GAS7: variants seen among roughly 807,000 people sequenced by gnomAD.
The protein encoded by GAS7 is growth arrest-specific protein 7.
In GAS7, 28 loss-of-function variants were observed where a neutral mutation model predicts 71.1. That is an observed-to-expected ratio of 0.39 (90% CI 0.29 to 0.54). GAS7 has a LOEUF of 0.54. Among genes scored for constraint, GAS7 ranks in the 20% least tolerant of loss-of-function variants. The probability of loss-of-function intolerance (pLI) is 0.62; values close to 1 mark genes in which losing one functional copy is unlikely to be tolerated. For synonymous variants in GAS7, 258 were observed against 245.8 expected, an observed-to-expected ratio of 1.05 and a Z score of -0.46; for missense variants, 436 against 627.8, an observed-to-expected ratio of 0.69 and a Z score of 3.27.
At chr17:10,050,022 CT>C (rs2152235455) in intron 1 of GAS7, among the ~76,000 whole-genome samples, 1 of 152,228 alleles carries the variant, frequency 6.6e-6, no homozygotes, top group South Asian at 2.1e-4. Context: ...AAGAATGCCC[CT>C]AATTATTTTC....
At chr17:10,027,348 A>G (rs540847189) in intron 1 of GAS7, among the ~76,000 whole-genome samples, 6 of 152,324 alleles carry the variant, frequency 3.9e-5, no homozygotes, top group East Asian at 3.9e-4. Context: ...AGGGAATGGG[A>G]GTGGGAGTTA....
chr17:10,010,475 A>G (rs997725710), intron 2 of GAS7, among the ~76,000 whole-genome samples: 1 of 150,612 alleles, frequency 6.6e-6, no homozygotes, highest in Non-Finnish European at 1.5e-5. Context: ...TAAACCAGGT[A>G]TTGTCAAACT....
Position 10,019,909 on chromosome 17 carries a change from G to T in GAS7, c.184-12C>A. On this transcript the variant is annotated splice_polypyrimidine_tract_variant and intron_variant, in intron 1 of 13. Coordinates refer to ENST00000432992, the MANE Select transcript of GAS7 (RefSeq NM_201433.2). ...ACCATTCCAGGCTTCTGTTGGAGAA[G>T]AAAGAAAAGGTCACACCCATTTGGC... 1 of 1,612,142 alleles carries T rather than the reference G, an allele frequency of 6.2e-7. No individual in the cohort carries two copies. Among genetic ancestry groups the T allele is most frequent in the Non-Finnish European group, 8.5e-7 (1 of 1,179,620 alleles).
chr17:10,046,012 C>G (rs928859435), intron 1 of GAS7, among the ~76,000 whole-genome samples: 1 of 152,214 alleles, frequency 6.6e-6, no homozygotes, highest in African/African-American at 2.4e-5. Flanking sequence ...AAACTGTCAT[C>G]TCCACATGAT....
intron 1 of GAS7, among the ~76,000 whole-genome samples, chr17:10,053,513 G>C (rs2073091808): frequency 6.6e-6 from 1 of 152,118 alleles, no homozygotes; most frequent in Admixed American, 6.5e-5. Flanking sequence ...GGTCACCCTG[G>C]AGAAGCCCTT....
At chr17:9,956,373 C>T (rs1467144966) in intron 5 of GAS7, among the ~76,000 whole-genome samples, 2 of 152,138 alleles carry the variant, frequency 1.3e-5, no homozygotes, top group Non-Finnish European at 2.9e-5. Context: ...AGCCCCTACC[C>T]CGGGTTCTGT....
intron 1 of GAS7, 94 bp from the exon 2 acceptor site, chr17:10,019,991 T>C: frequency 1.7e-6 from 2 of 1,204,320 alleles, no homozygotes; most frequent in Non-Finnish European, 2.4e-6. Context: ...CACCCTACAG[T>C]AGCGTGACAT....
chr17:10,182,668 A>G (rs1043487757), intron 1 of GAS7, among the ~76,000 whole-genome samples: 1 of 152,180 alleles, frequency 6.6e-6, no homozygotes, highest in African/African-American at 2.4e-5. Flanking sequence ...AGTCTCCGAC[A>G]GCAAGGACCT....
chr17:10,087,373 C>T (rs894072660), intron 1 of GAS7, among the ~76,000 whole-genome samples: 1 of 152,186 alleles, frequency 6.6e-6, no homozygotes, highest in African/African-American at 2.4e-5. Context: ...AAAGGCCTTC[C>T]TTAGGTGGGA....
intron 1 of GAS7, among the ~76,000 whole-genome samples, chr17:10,151,601 A>G (rs2074167011): frequency 6.6e-6 from 1 of 152,070 alleles, no homozygotes; most frequent in South Asian, 2.1e-4. Context: ...CTGGAGTGCA[A>G]TGGCATGATC....
At chr17:10,177,904 T>C (rs9899530) in intron 1 of GAS7, among the ~76,000 whole-genome samples, 63,780 of 151,776 alleles carry the variant, frequency 0.42, 13,705 homozygotes, top group East Asian at 0.55. Flanking sequence ...GCCCCCCAAC[T>C]ACCTCAACAC....
intron 1 of GAS7, among the ~76,000 whole-genome samples, chr17:10,123,310 C>A (rs1299951814): frequency 6.6e-6 from 1 of 152,190 alleles, no homozygotes; most frequent in African/African-American, 2.4e-5. Flanking sequence ...TGGGGCAGGA[C>A]CTGGGAATAT....
intron 1 of GAS7, among the ~76,000 whole-genome samples, chr17:10,055,495 G>A (rs924143093): frequency 3.9e-5 from 6 of 152,030 alleles, no homozygotes; most frequent in African/African-American, 1.2e-4. Flanking sequence ...TGTCTGTACC[G>A]CACTGCACAT....
intron 2 of GAS7, among the ~76,000 whole-genome samples, chr17:10,001,716 T>C (rs2071274949): frequency 6.6e-6 from 1 of 152,218 alleles, no homozygotes; most frequent in African/African-American, 2.4e-5. Flanking sequence ...AGCCAAGTCC[T>C]CTCTGGTATG....
chr17:9,936,949 A>C (rs1169898028), intron 8 of GAS7, among the ~76,000 whole-genome samples: 1 of 152,252 alleles, frequency 6.6e-6, no homozygotes, highest in African/African-American at 2.4e-5. Flanking sequence ...AAGCCTCTCC[A>C]GCCTCCCTGA....
chr17:9,911,194 G>T lies in GAS7; in HGVS notation c.*6034C>A, dbSNP rs533825674. ...GACTCCCGAGAGCCCGTCTGCTGCA[G>T]GTGATGCTGGAAGGGAAGCGCCCCC... On this transcript the variant is annotated 3_prime_UTR_variant, in exon 14 of 14. Coordinates refer to ENST00000432992, the MANE Select transcript of GAS7 (RefSeq NM_201433.2). The surrounding 1 kb of genome is among the most constrained non-coding windows in gnomAD (Gnocchi z 4.0). 4.3e-6 allele frequency: 1 copy of T among 233,398 alleles called. No individual in the cohort carries two copies. The highest frequency in any genetic ancestry group is 5.6e-5 in the Admixed American group (1 of 17,798). The allele number at this position is 233,398 out of a possible 1,614,324, so 14.5% of individuals were successfully genotyped here.
chr17:10,166,367 A>G (rs2074294194), intron 1 of GAS7, among the ~76,000 whole-genome samples: 1 of 152,090 alleles, frequency 6.6e-6, no homozygotes, highest in Admixed American at 6.6e-5. Flanking sequence ...GCCCCAAGGG[A>G]CCTCCTTCAA....
At chr17:10,025,218 T>C (rs938062979) in intron 1 of GAS7, among the ~76,000 whole-genome samples, 9 of 152,006 alleles carry the variant, frequency 5.9e-5, no homozygotes, top group African/African-American at 1.9e-4. Flanking sequence ...GCCTGGGCAA[T>C]GGAGCAAGAC....
intron 1 of GAS7, among the ~76,000 whole-genome samples, chr17:10,141,760 G>A (rs60130267): frequency 0.068 from 10,284 of 152,174 alleles, 474 homozygotes; most frequent in East Asian, 0.18. Flanking sequence ...GTGTATGATA[G>A]ATACCATACA....
Sources: gnomAD v4.1 joint callset for allele counts (sites outside exome capture counted in the v4.1 genomes callset) on GRCh38, gnomAD v4.1.1 for gene constraint, Gnocchi (gnomAD v3.1) non-coding constraint, MANE v1.5 for transcripts, NCBI Gene and HGNC (gene_info 2026-07-23, HGNC 2026-07-21) for gene names.